The following FOXP1 variants were observed in gnomAD, a reference collection of about 807,000 sequenced individuals.
FOXP1 encodes forkhead box P1.
In FOXP1, 15 loss-of-function variants were observed where a neutral mutation model predicts 98.2. That is an observed-to-expected ratio of 0.15 (90% CI 0.10 to 0.24). The LOEUF (loss-of-function observed/expected upper bound fraction) is 0.24. Among genes scored for constraint, FOXP1 ranks in the 10% least tolerant of loss-of-function variants. FOXP1 has a pLI of 1.00. For synonymous variants in FOXP1, 371 were observed against 314.5 expected (o/e 1.18, Z -1.90); for missense variants, 633 against 848.5 (o/e 0.75, Z 3.15).
intron 16 of FOXP1, 73 bp from the exon 17 acceptor site, chr3:70,977,115 A>C: frequency 3.0e-6 from 3 of 1,008,012 alleles, no homozygotes; most frequent in Non-Finnish European, 4.7e-6. Flanking sequence ...GTTTCTCGAA[A>C]ATATAAAATC....
chr3:71,284,356 A>G (rs1435236223), intron 5 of FOXP1, among the ~76,000 whole-genome samples: 2 of 152,172 alleles, frequency 1.3e-5, no homozygotes, highest in African/African-American at 4.8e-5. Flanking sequence ...CTTGAGCCCA[A>G]GAGTTCGAGA....
intron 6 of FOXP1, among the ~76,000 whole-genome samples, chr3:71,171,583 T>C (rs761629075): frequency 5.7e-4 from 87 of 152,210 alleles, no homozygotes; most frequent in Non-Finnish European, 9.1e-4. Context: ...TGCATGTAGA[T>C]TATAAATAAG....
chr3:71,553,761 G>C (rs932165658), intron 2 of FOXP1, among the ~76,000 whole-genome samples: 1 of 152,148 alleles, frequency 6.6e-6, no homozygotes, highest in Non-Finnish European at 1.5e-5. Context: ...TTACAAAATA[G>C]TTTCTCAAAG....
chr3:71,268,509 C>G (rs2069972955), intron 5 of FOXP1, among the ~76,000 whole-genome samples: 1 of 152,080 alleles, frequency 6.6e-6, no homozygotes, highest in Non-Finnish European at 1.5e-5. Flanking sequence ...CTCTTCCACA[C>G]CAGGGGCGAT....
intron 11 of FOXP1, among the ~76,000 whole-genome samples, chr3:71,038,814 C>T (rs1452237857): frequency 6.6e-6 from 1 of 151,928 alleles, no homozygotes; most frequent in African/African-American, 2.4e-5. Flanking sequence ...CAGGTGCATG[C>T]CACCATGGCA....
At position 71,383,467 on chromosome 3, in the gene FOXP1, G is replaced by T. The variant is rs201749850; in HGVS notation, c.-167-24223C>A. ...AAATAAGTATCAATGAGAAAATGTT[G>T]GTATTTAGGGCATGCACTTTGAATC... On this transcript the variant is annotated intron_variant, in intron 3 of 20. Transcript: ENST00000649528. Among the ~76,000 whole-genome samples, 6 of 152,140 alleles carry T rather than the reference G, an allele frequency of 3.9e-5. No individual in the cohort carries two copies. In the East Asian group the frequency reaches 1.2e-3, roughly 29 times the overall value.
At chr3:71,137,150 T>G (rs562960896) in intron 6 of FOXP1, among the ~76,000 whole-genome samples, 1 of 152,346 alleles carries the variant, frequency 6.6e-6, no homozygotes, top group Admixed American at 6.5e-5. Flanking sequence ...CCTAGCGGCC[T>G]CTGAGTTCTT....
At chr3:71,043,453 TG>T (rs751576902) in intron 10 of FOXP1, among the ~76,000 whole-genome samples, 20 of 152,122 alleles carry the variant, frequency 1.3e-4, no homozygotes, top group Non-Finnish European at 2.2e-4. Context: ...AAGTGACAGG[TG>T]GGATGCGTTT....
intron 2 of FOXP1, among the ~76,000 whole-genome samples, chr3:71,556,650 G>A (rs1432227203): frequency 1.4e-5 from 2 of 147,830 alleles, no homozygotes; most frequent in Non-Finnish European, 3.0e-5. Flanking sequence ...GCAATGAAGT[G>A]GAAACTGCCA....
At chr3:71,224,018 G>A (rs1354011940) in intron 5 of FOXP1, among the ~76,000 whole-genome samples, 3 of 152,188 alleles carry the variant, frequency 2.0e-5, no homozygotes, top group Non-Finnish European at 2.9e-5. Context: ...CATAGACTAA[G>A]GAGGTGATCA....
Position 70,965,965 on chromosome 3 carries a change from T to A in FOXP1, c.1814A>T (p.Glu605Val). ...GGTATGCTCCATTGCCCCGTTCAGC[T>A]CTTCCCGTATTGCGCTGGCTAAGTT... ...LGNLASAIREELNGAMEHTNS... is the reference protein window; with the variant it reads ...LGNLASAIREVLNGAMEHTNS... The change falls in exon 20 of 21, where the codon GAG (glutamate) becomes GTG (valine). Residue 605 changes from glutamate (E) to valine (V), a missense_variant. Coordinates refer to ENST00000649528, the MANE Select transcript of FOXP1 (RefSeq NM_001349338.3). The A allele has an allele frequency of 6.2e-7, 1 of 1,614,152 alleles. No individual in the cohort carries two copies. Among genetic ancestry groups the A allele is most frequent in the Non-Finnish European group, 8.5e-7 (1 of 1,180,016 alleles).
intron 6 of FOXP1, among the ~76,000 whole-genome samples, chr3:71,131,403 C>CAAAAAAA (rs10681690): frequency 1.5e-4 from 19 of 126,502 alleles, no homozygotes; most frequent in Non-Finnish European, 2.2e-4. Flanking sequence ...TATTCAATAA[C>CAAAAAAA]AAAAAAAAAA....
At chr3:71,166,719 A>G (rs2061415024) in intron 6 of FOXP1, among the ~76,000 whole-genome samples, 1 of 152,244 alleles carries the variant, frequency 6.6e-6, no homozygotes, top group Non-Finnish European at 1.5e-5. Context: ...AAAATAAACT[A>G]CTTTTACAAC....
intron 6 of FOXP1, among the ~76,000 whole-genome samples, chr3:71,123,616 T>A (rs1327254423): frequency 6.6e-6 from 1 of 152,212 alleles, no homozygotes; most frequent in East Asian, 1.9e-4. Flanking sequence ...AGTTAATGCC[T>A]CTGGACACCT....
intron 5 of FOXP1, among the ~76,000 whole-genome samples, chr3:71,250,336 C>T (rs1467964326): frequency 6.6e-6 from 1 of 152,200 alleles, no homozygotes; most frequent in East Asian, 1.9e-4. Flanking sequence ...TGTTCTATGC[C>T]TACAACATCC....
At chr3:71,405,417 C>G (rs1246223928) in intron 3 of FOXP1, among the ~76,000 whole-genome samples, 2 of 152,196 alleles carry the variant, frequency 1.3e-5, no homozygotes, top group African/African-American at 4.8e-5. Flanking sequence ...GTGAGACACA[C>G]AAAAGCTCTT....
intron 7 of FOXP1, among the ~76,000 whole-genome samples, chr3:71,075,397 T>C (rs1161510026): frequency 6.6e-6 from 1 of 152,244 alleles, no homozygotes; most frequent in Non-Finnish European, 1.5e-5. Context: ...TTTGCTATAA[T>C]GAAATTACAG....
chr3:71,311,068 C>CT (rs1392994990), intron 4 of FOXP1, among the ~76,000 whole-genome samples: 1 of 151,982 alleles, frequency 6.6e-6, no homozygotes, highest in Non-Finnish European at 1.5e-5. Context: ...CCCCCTCCCA[C>CT]TTTTTTTTGT....
intron 4 of FOXP1, among the ~76,000 whole-genome samples, chr3:71,322,807 T>A (rs980611395): frequency 6.6e-6 from 1 of 152,118 alleles, no homozygotes; most frequent in Non-Finnish European, 1.5e-5. Context: ...GAGTGACCAC[T>A]GGATGTGTTT....
Sources: allele counts gnomAD v4.1 joint callset (sites outside exome capture counted in the v4.1 genomes callset), GRCh38; gene constraint gnomAD v4.1.1; transcripts MANE v1.5; gene names NCBI Gene and HGNC (gene_info 2026-07-23, HGNC 2026-07-21).